The following TEX11 variants were observed in gnomAD, a reference collection of about 807,000 sequenced individuals.
The protein encoded by TEX11 is testis-expressed protein 11.
In TEX11, 7 loss-of-function variants were observed where a neutral mutation model predicts 84.4. The observed-to-expected ratio is 0.08, with a 90% CI of 0.05 to 0.16. The LOEUF is 0.16. TEX11 is among the 10% of genes least tolerant of loss of function. The pLI, the probability that TEX11 is intolerant of heterozygous loss-of-function variation, is 1.00. For synonymous variants in TEX11, 264 were observed against 222.8 expected (o/e 1.18, Z -1.64); for missense variants, 551 against 660.5 (o/e 0.83, Z 1.82).
chrX:70,846,055 T>A (rs2091477501), intron 7 of TEX11: 2 of 111,647 alleles, frequency 1.8e-5, no homozygotes, highest in Admixed American at 1.9e-4. Context: ...GGCATCCTTT[T>A]TATTTATTTA....
chrX:70,691,037 A>G (rs2090230080), intron 13 of TEX11, among the ~76,000 whole-genome samples: 1 of 112,377 alleles, frequency 8.9e-6, no homozygotes, highest in South Asian at 3.7e-4. Flanking sequence ...ACTTGTACAG[A>G]CATTTTCCCA....
chrX:70,889,862 G>A (rs1317968558), intron 2 of TEX11, among the ~76,000 whole-genome samples: 1 of 111,499 alleles, frequency 9.0e-6, no homozygotes, highest in African/African-American at 3.3e-5. Flanking sequence ...AAGGAAGACA[G>A]GAAGGAAAGA....
intron 9 of TEX11, among the ~76,000 whole-genome samples, chrX:70,802,433 C>T (rs1309400517): frequency 1.8e-5 from 2 of 111,029 alleles, no homozygotes; most frequent in Non-Finnish European, 1.9e-5. Context: ...TCAACTTGAT[C>T]GTAGTAATCA....
chrX:70,561,406 T>G (rs939663751), intron 25 of TEX11, among the ~76,000 whole-genome samples: 1 of 103,691 alleles, frequency 9.6e-6, no homozygotes, highest in South Asian at 4.5e-4. Flanking sequence ...TTTTTTTTTT[T>G]TGACAGAGTC....
At chrX:70,904,660 C>T (rs1023332021) in intron 2 of TEX11, among the ~76,000 whole-genome samples, 33 of 111,782 alleles carry the variant, frequency 3.0e-4, no homozygotes, top group Non-Finnish European at 1.1e-4. Context: ...CAAATGTAAA[C>T]TCTAGAACTG....
At chrX:70,898,614 T>C (rs1346492545) in intron 2 of TEX11, among the ~76,000 whole-genome samples, 1 of 108,640 alleles carries the variant, frequency 9.2e-6, no homozygotes, top group Non-Finnish European at 1.9e-5. Flanking sequence ...TGTATTTTTT[T>C]TTTTTTTTTG....
chrX:70,699,317 C>T (rs752530536), intron 13 of TEX11, among the ~76,000 whole-genome samples: 1 of 111,610 alleles, frequency 9.0e-6, no homozygotes, highest in South Asian at 3.8e-4. Context: ...GCAATAACCA[C>T]CTAAGTTGAG....
intron 7 of TEX11, among the ~76,000 whole-genome samples, chrX:70,843,548 G>C (rs772121055): frequency 1.2e-4 from 13 of 111,715 alleles, no homozygotes; most frequent in African/African-American, 4.2e-4. Context: ...ATAGGCATGG[G>C]CAAGGACTTC....
chrX:70,648,084 TA>T (rs1461662568), intron 17 of TEX11, among the ~76,000 whole-genome samples: 2 of 111,700 alleles, frequency 1.8e-5, no homozygotes, highest in African/African-American at 6.5e-5. Flanking sequence ...TATGCAGCCA[TA>T]AAAAATGATG....
At position 70,572,417 on chromosome X, in the gene TEX11, T is replaced by C. The variant is rs779539671; in HGVS notation, c.2141-17617A>G. 4.5e-5 allele frequency among the ~76,000 whole-genome samples: 5 copies of C among 111,587 alleles called. No individual in the cohort carries two copies. The East Asian group carries it at 1.4e-3, about 31-fold the overall frequency. On this transcript the variant is annotated intron_variant, in intron 25 of 29. Coordinates refer to ENST00000374333, the MANE Select transcript of TEX11 (RefSeq NM_031276.3). Reference sequence around the variant, plus strand: ...CACTGTTGGTGGGACTGTAAACTAGTTCAACTATTGTGGAAGTCAGTGTGG... The same window carrying C: ...CACTGTTGGTGGGACTGTAAACTAGCTCAACTATTGTGGAAGTCAGTGTGG...
At chrX:70,755,692 T>A (rs2090862212) in intron 9 of TEX11, among the ~76,000 whole-genome samples, 1 of 111,617 alleles carries the variant, frequency 9.0e-6, no homozygotes, top group Admixed American at 9.4e-5. Context: ...AGAAGATGAG[T>A]GATTTCTGCA....
At chrX:70,574,117 A>T (rs1249245120) in intron 25 of TEX11, among the ~76,000 whole-genome samples, 1 of 112,244 alleles carries the variant, frequency 8.9e-6, no homozygotes, top group Non-Finnish European at 1.9e-5. Flanking sequence ...GTTATAAAAT[A>T]AATAGTTTTA....
downstream of TEX11, among the ~76,000 whole-genome samples, chrX:70,526,582 A>AG (rs1190313226): frequency 9.0e-6 from 1 of 110,523 alleles, no homozygotes; most frequent in East Asian, 2.8e-4. Context: ...AAAAAAAAAA[A>AG]AGAAAGAAAA....
chrX:70,825,485 G>A (rs1205639465), intron 8 of TEX11, among the ~76,000 whole-genome samples: 1 of 110,559 alleles, frequency 9.0e-6, no homozygotes, highest in Non-Finnish European at 1.9e-5. Context: ...TAAATCAGAT[G>A]TTTTAAAACT....
At chrX:70,710,311 T>C (rs2090416603) in intron 13 of TEX11, among the ~76,000 whole-genome samples, 1 of 111,633 alleles carries the variant, frequency 9.0e-6, no homozygotes, top group Non-Finnish European at 1.9e-5. Context: ...ATTACAGTCA[T>C]AGCATGTTTG....
At chrX:70,599,826 A>G (rs2089069375) in intron 24 of TEX11, among the ~76,000 whole-genome samples, 1 of 107,686 alleles carries the variant, frequency 9.3e-6, no homozygotes, top group Non-Finnish European at 1.9e-5. Flanking sequence ...AATTTCATCC[A>G]TGTCCCTACA....
At chrX:70,754,763 AAGAG>A (rs1227079057) in intron 9 of TEX11, among the ~76,000 whole-genome samples, 1 of 109,930 alleles carries the variant, frequency 9.1e-6, no homozygotes, top group Non-Finnish European at 1.9e-5. Flanking sequence ...GAAAGAGAGA[AAGAG>A]AGAAAGAGAG....
At position 70,852,066 on chromosome X, in the gene TEX11, C is replaced by T. The variant is rs538057133; in HGVS notation, c.525+968G>A. Among the ~76,000 whole-genome samples, 11 of 112,100 alleles carry T rather than the reference C, an allele frequency of 9.8e-5. No homozygotes were observed. In the South Asian group the frequency reaches 3.7e-3, roughly 38 times the overall value. On this transcript the variant is annotated intron_variant, in intron 7 of 29. Coordinates refer to ENST00000374333, the MANE Select transcript of TEX11 (RefSeq NM_031276.3). ...AACTTAGCTTGTGGTGAATATTGCA[C>T]AATTCTGTGAATATACTAAATTACT...
At chrX:70,638,348 C>A (rs759778835) in intron 17 of TEX11, among the ~76,000 whole-genome samples, 10 of 111,091 alleles carry the variant, frequency 9.0e-5, no homozygotes, top group Non-Finnish European at 1.3e-4. Context: ...TTCAAAGTGC[C>A]GAAGAGAAAA....
Sources: gnomAD v4.1 joint callset for allele counts (sites outside exome capture counted in the v4.1 genomes callset) on GRCh38, gnomAD v4.1.1 for gene constraint, MANE v1.5 for transcripts, NCBI Gene and HGNC (gene_info 2026-07-23, HGNC 2026-07-21) for gene names.